PWWP2A: variants seen among roughly 807,000 people sequenced by gnomAD.
PWWP2A encodes the protein PWWP domain containing 2A.
In PWWP2A, 18 loss-of-function variants were observed where a neutral mutation model predicts 48.5. That is an observed-to-expected ratio of 0.37 (90% CI 0.26 to 0.55). PWWP2A has a LOEUF of 0.55. PWWP2A is among the 20% of genes least tolerant of loss of function. PWWP2A has a pLI of 0.81. For synonymous variants in PWWP2A, 396 were observed against 387.7 expected, an observed-to-expected ratio of 1.02 and a Z score of -0.25; for missense variants, 867 against 976.4, an observed-to-expected ratio of 0.89 and a Z score of 1.49.
the PWWP2A span, among the ~76,000 whole-genome samples, chr5:160,053,258 G>GA: frequency 1.3e-5 from 2 of 152,228 alleles, no homozygotes; most frequent in Non-Finnish European, 2.9e-5. Context: ...CTGTTAAAAT[G>GA]ATGGCTTCTA....
chr5:160,106,876 G>A (rs1756955899), intron 1 of PWWP2A, among the ~76,000 whole-genome samples: 1 of 144,892 alleles, frequency 6.9e-6, no homozygotes, highest in Non-Finnish European at 1.5e-5. Context: ...CCAGGCTGGA[G>A]TGCAGTGGGG....
At chr5:160,114,478 C>T (rs994096676) in intron 1 of PWWP2A, among the ~76,000 whole-genome samples, 4 of 149,712 alleles carry the variant, frequency 2.7e-5, no homozygotes, top group African/African-American at 9.9e-5. Context: ...AAAAAGAGTT[C>T]AGGCCAGGCA....
Position 160,091,951 on chromosome 5 carries a change from C to A in PWWP2A, c.*431G>T, listed in dbSNP as rs1755101851. Reference sequence around the variant, plus strand: ...GCAATCTGTGTCACACAGTGACAGGCTGTATTTCATATATATATATGTGTA... The same window carrying A: ...GCAATCTGTGTCACACAGTGACAGGATGTATTTCATATATATATATGTGTA... On this transcript the variant is annotated 3_prime_UTR_variant, in exon 2 of 2. Transcript: ENST00000307063. The A allele has an allele frequency of 1.0e-6, 1 of 966,924 alleles. No homozygotes were observed. Among genetic ancestry groups the A allele is most frequent in the Non-Finnish European group, 1.2e-6 (1 of 816,244 alleles). 59.9% of individuals were successfully genotyped at this position (966,924 alleles called of 1,614,324 possible). A position where few individuals can be genotyped will look rare whatever the true frequency, so the allele number is the denominator to read the frequency against.
chr5:160,045,022 C>A, the PWWP2A span, among the ~76,000 whole-genome samples: 5 of 152,132 alleles, frequency 3.3e-5, no homozygotes, highest in African/African-American at 9.7e-5. Context: ...GGAACTAACT[C>A]TGAATGTACT....
At chr5:160,051,338 G>A in the PWWP2A span, among the ~76,000 whole-genome samples, 5 of 152,258 alleles carry the variant, frequency 3.3e-5, no homozygotes, top group African/African-American at 1.2e-4. Flanking sequence ...AAGGGGCAGC[G>A]TGGCTTAGAG....
At chr5:160,045,520 A>ACACACACACTCT in the PWWP2A span, among the ~76,000 whole-genome samples, 8 of 54,884 alleles carry the variant, frequency 1.5e-4, no homozygotes, top group African/African-American at 1.8e-4. Context: ...ACACATACAC[A>ACACACACACTCT]CTCTCTCTCT....
At position 160,119,246 on chromosome 5, in the gene PWWP2A, G is replaced by A; in HGVS notation, c.143C>T (p.Ser48Phe). Reference protein sequence around the residue: ...DPLPVTATEASVPDGETDGQQ... With the variant: ...DPLPVTATEAFVPDGETDGQQ... ...CCCGTCAGTCTCGCCATCCGGCACA[G>A]ACGCTTCAGTGGCCGTGACCGGGAG... is the stretch of plus-strand genomic sequence containing the variant. Residue 48 changes from serine (S) to phenylalanine (F), a missense_variant, in exon 1 of 2, where the codon TCT (serine) becomes TTT (phenylalanine). Physicochemically the swap from Ser to Phe is radical, Grantham distance 155. Coordinates refer to ENST00000307063, the MANE Select transcript of PWWP2A (RefSeq NM_001130864.2). The A allele has an allele frequency of 1.4e-6, 2 of 1,420,148 alleles. No homozygotes were observed. Among genetic ancestry groups the A allele is most frequent in the Non-Finnish European group, 1.8e-6 (2 of 1,098,696 alleles). The allele number at this position is 1,420,148 out of a possible 1,614,324, so 88.0% of individuals were successfully genotyped here.
chr5:160,116,062 A>G (rs886311080), intron 1 of PWWP2A, among the ~76,000 whole-genome samples: 3 of 151,704 alleles, frequency 2.0e-5, no homozygotes, highest in African/African-American at 7.3e-5. Context: ...TTTCCTCAAC[A>G]TTTCCACAAT....
downstream of PWWP2A, among the ~76,000 whole-genome samples, chr5:160,058,327 G>A (rs1354292431): frequency 1.3e-5 from 2 of 152,062 alleles, no homozygotes; most frequent in African/African-American, 4.8e-5. Flanking sequence ...CATCCATGAG[G>A]GTTGAAATCA....
downstream of PWWP2A, chr5:160,090,429 C>A (rs1754970416): frequency 7.1e-6 from 7 of 982,910 alleles, no homozygotes; most frequent in Middle Eastern, 5.2e-4. Flanking sequence ...CTTGGAAAAT[C>A]TTTTAGGATA....
At chr5:160,072,165 A>C (rs543862927), downstream of PWWP2A, among the ~76,000 whole-genome samples, 8 of 152,342 alleles carry the variant, frequency 5.3e-5, no homozygotes, top group African/African-American at 1.9e-4. Context: ...CAGGGAAAGG[A>C]AGCTATAATT....
chr5:160,074,147 A>C (rs1753810791), downstream of PWWP2A, among the ~76,000 whole-genome samples: 1 of 151,880 alleles, frequency 6.6e-6, no homozygotes, highest in African/African-American at 2.4e-5. Flanking sequence ...TGCTTAAAAA[A>C]TAACATATTC....
At chr5:160,055,813 C>T in the PWWP2A span, among the ~76,000 whole-genome samples, 114 of 152,330 alleles carry the variant, frequency 7.5e-4, 1 homozygote, top group South Asian at 0.017. Flanking sequence ...GCAGCCATGG[C>T]ACTGAGTTTT....
chr5:160,062,682 T>C (rs1753456894), intron 5 of PWWP2A, among the ~76,000 whole-genome samples: 1 of 152,208 alleles, frequency 6.6e-6, no homozygotes, highest in Non-Finnish European at 1.5e-5. Context: ...TTCTCCACCA[T>C]GGAGCTGCCC....
intron 1 of PWWP2A, among the ~76,000 whole-genome samples, chr5:160,101,785 A>T (rs542663422): frequency 6.6e-6 from 1 of 151,754 alleles, no homozygotes; most frequent in South Asian, 2.1e-4. Flanking sequence ...CATCCTGGGC[A>T]ACATAGAAAG....
intron 1 of PWWP2A, among the ~76,000 whole-genome samples, chr5:160,114,769 A>G (rs1176349280): frequency 4.1e-4 from 2 of 4,836 alleles, no homozygotes; most frequent in African/African-American, 9.1e-4. Flanking sequence ...TCTCAAGGGT[A>G]AAAAAAAAAA....
chr5:160,072,737 A>G (rs577940345), downstream of PWWP2A, among the ~76,000 whole-genome samples: 2 of 151,852 alleles, frequency 1.3e-5, no homozygotes, highest in Non-Finnish European at 1.5e-5. Flanking sequence ...TCATAAATAA[A>G]TAAATAAATA....
chr5:160,105,774 CA>C (rs549595565), intron 1 of PWWP2A: 1,676 of 65,422 alleles, frequency 0.026, 6 homozygotes, highest in Middle Eastern at 0.047. Context: ...GACGCCATCT[CA>C]AAAAAAAAAA....
rs1455071555 is a variant in PWWP2A at position 160,092,277 on chromosome 5, ACTT to A, written c.*102_*104del. ...TTAAAAAGCCAGCCAACTGAGTGCAACTTCTCTCTCCAATCTGGCCACGCTATT... is the reference window on the plus strand; with the variant it reads ...TTAAAAAGCCAGCCAACTGAGTGCAACTCTCTCCAATCTGGCCACGCTATT... On this transcript the variant is annotated 3_prime_UTR_variant, in exon 2 of 2. Coordinates refer to ENST00000307063, the MANE Select transcript of PWWP2A (RefSeq NM_001130864.2). 9.1e-6 allele frequency: 13 copies of A among 1,434,448 alleles called. No individual in the cohort carries two copies. Among genetic ancestry groups the A allele is most frequent in the Non-Finnish European group, 1.0e-5 (11 of 1,093,446 alleles). 88.9% of individuals were successfully genotyped at this position (1,434,448 alleles called of 1,614,324 possible). A position where few individuals can be genotyped will look rare whatever the true frequency, so the allele number is the denominator to read the frequency against.
Sources: gnomAD v4.1 joint callset for allele counts (sites outside exome capture counted in the v4.1 genomes callset) on GRCh38, gnomAD v4.1.1 for gene constraint, MANE v1.5 for transcripts, NCBI Gene and HGNC (gene_info 2026-07-23, HGNC 2026-07-21) for gene names.